The following SHROOM3 variants were observed in gnomAD, a reference collection of about 807,000 sequenced individuals.
SHROOM3 encodes shroom family member 3.
A neutral mutation model predicts 138.6 loss-of-function variants in SHROOM3; 47 were observed. That is an observed-to-expected ratio of 0.34 (90% CI 0.27 to 0.43). The LOEUF (loss-of-function observed/expected upper bound fraction) is 0.43. Among genes scored for constraint, SHROOM3 ranks in the 20% least tolerant of loss-of-function variants. The probability of loss-of-function intolerance (pLI) is 1.00; values close to 1 mark genes in which losing one functional copy is unlikely to be tolerated. For synonymous variants in SHROOM3, 1,062 were observed against 1,063.3 expected, an observed-to-expected ratio of 1.00 and a Z score of 0.02; for missense variants, 2,491 against 2,596.5, an observed-to-expected ratio of 0.96 and a Z score of 0.88.
At position 76,736,326 on chromosome 4, in the gene SHROOM3, C is replaced by T. The variant is rs572979734; in HGVS notation, c.588-2435C>T. On this transcript the variant is annotated intron_variant, in intron 4 of 10. Transcript: ENST00000296043. ...CTTGGGAGCTATTTCCTTCCTTTCT[C>T]CCTTGAATTTATACCTATCTGTCCC... Among the ~76,000 whole-genome samples, 29 of 152,226 alleles carry T rather than the reference C, an allele frequency of 1.9e-4. 1 individual carries two copies. The highest frequency in any genetic ancestry group is 1.4e-3 in the Admixed American group (22 of 15,284).
intron 10 of SHROOM3, among the ~76,000 whole-genome samples, chr4:76,773,084 TAGTG>T (rs1224448945): frequency 2.0e-5 from 3 of 151,964 alleles, no homozygotes; most frequent in African/African-American, 7.3e-5. Flanking sequence ...TTTTTAAAAA[TAGTG>T]AGCTAAGGCT....
At chr4:76,679,532 A>T (rs1322642910) in intron 2 of SHROOM3, among the ~76,000 whole-genome samples, 1 of 152,000 alleles carries the variant, frequency 6.6e-6, no homozygotes, top group Non-Finnish European at 1.5e-5. Context: ...ACTTATCTTC[A>T]TCTATGTCGT....
chr4:76,762,365 G>A (rs1045819093), intron 9 of SHROOM3, among the ~76,000 whole-genome samples: 3 of 152,188 alleles, frequency 2.0e-5, no homozygotes, highest in African/African-American at 7.2e-5. Context: ...GTGAGAAGGT[G>A]CCTTATTGCC....
intron 2 of SHROOM3, among the ~76,000 whole-genome samples, chr4:76,608,588 A>ACAGAGATG (rs1734678930): frequency 1.4e-5 from 2 of 144,592 alleles, no homozygotes; most frequent in African/African-American, 5.2e-5. Context: ...AGCATAGCAT[A>ACAGAGATG]GCATAGCATA....
intron 2 of SHROOM3, among the ~76,000 whole-genome samples, chr4:76,629,720 G>A (rs1297991105): frequency 6.6e-6 from 1 of 152,202 alleles, no homozygotes; most frequent in Admixed American, 6.5e-5. Flanking sequence ...GAGAAAGAGA[G>A]AAGTCAAGCT....
At chr4:76,598,724 G>A (rs1734441871) in intron 2 of SHROOM3, among the ~76,000 whole-genome samples, 1 of 152,230 alleles carries the variant, frequency 6.6e-6, no homozygotes, top group African/African-American at 2.4e-5. Flanking sequence ...GGGTAGCCCT[G>A]TCTGAGTGTA....
chr4:76,487,804 C>T (rs573908405), intron 1 of SHROOM3, among the ~76,000 whole-genome samples: 1 of 152,274 alleles, frequency 6.6e-6, no homozygotes, highest in South Asian at 2.1e-4. Flanking sequence ...TTTCATTAGT[C>T]AACTCTCAAA....
At chr4:76,504,509 C>CCA (rs1171947395) in intron 1 of SHROOM3, among the ~76,000 whole-genome samples, 1 of 152,084 alleles carries the variant, frequency 6.6e-6, no homozygotes, top group East Asian at 1.9e-4. Flanking sequence ...CATAAAAAAT[C>CCA]CACATGAAAC....
chr4:76,740,310 G>C lies in SHROOM3; in HGVS notation c.2137G>C (p.Gly713Arg). The C allele has an allele frequency of 6.2e-7, 1 of 1,613,136 alleles. No homozygotes were observed. Among genetic ancestry groups the C allele is most frequent in the East Asian group, 2.2e-5 (1 of 44,874 alleles). The change falls in exon 5 of 11, where the codon GGG becomes CGG. Residue 713 changes from glycine (G) to arginine (R), a missense_variant. Physicochemically the swap from Gly to Arg is moderately radical, Grantham distance 125. Around this residue, in one of 4 missense-constraint regions of SHROOM3, gnomAD observed 1,733 missense variants for 1,661.6 expected, o/e 1.04. Transcript: ENST00000296043. This position sits in a 1 kb window ranked among gnomAD's most constrained non-coding sequence, Gnocchi z 4.0. ...DPGRKAAPDL[G>R]SHLDRQVSYP... Reference sequence around the variant, plus strand: ...TGGGAGGAAAGCCGCTCCTGACCTCGGGAGCCATCTGGACCGGCAGGTTTC... The same window carrying C: ...TGGGAGGAAAGCCGCTCCTGACCTCCGGAGCCATCTGGACCGGCAGGTTTC...
intron 1 of SHROOM3, among the ~76,000 whole-genome samples, chr4:76,494,871 A>C (rs1398412854): frequency 6.6e-6 from 1 of 152,230 alleles, no homozygotes; most frequent in African/African-American, 2.4e-5. Context: ...GGGCTGCCTA[A>C]GTTTGTCATC....
At chr4:76,583,195 G>A (rs1734084401) in intron 2 of SHROOM3, among the ~76,000 whole-genome samples, 2 of 152,156 alleles carry the variant, frequency 1.3e-5, no homozygotes, top group East Asian at 3.8e-4. Flanking sequence ...GGGAGCTGGT[G>A]CACATTCCAG....
At chr4:76,460,378 A>T (rs1731114852) in intron 1 of SHROOM3, among the ~76,000 whole-genome samples, 1 of 152,232 alleles carries the variant, frequency 6.6e-6, no homozygotes, top group African/African-American at 2.4e-5. Flanking sequence ...TTGACAAAAG[A>T]CAAAGACACT....
chr4:76,758,852 A>G (rs1721902573), intron 8 of SHROOM3, among the ~76,000 whole-genome samples: 1 of 152,204 alleles, frequency 6.6e-6, no homozygotes, highest in Admixed American at 6.5e-5. Context: ...TAGGATATGA[A>G]TTATAGGCTG....
At position 76,740,249 on chromosome 4, in the gene SHROOM3, G is replaced by A; in HGVS notation, c.2076G>A (p.Arg692=). The A allele has an allele frequency of 6.2e-7, 1 of 1,613,282 alleles. No individual in the cohort carries two copies. The highest frequency in any genetic ancestry group is 1.1e-5 in the South Asian group (1 of 91,082). Reference sequence around the variant, plus strand: ...CCCAGGAGGGTTACCCCGGGGGCAGGCCCACCTGTGCAGTCAACACCAAGG... The same window carrying A: ...CCCAGGAGGGTTACCCCGGGGGCAGACCCACCTGTGCAGTCAACACCAAGG... ...RGTQEGYPGG[R]PTCAVNTKAE... The change falls in exon 5 of 11, where the codon AGG becomes AGA. Residue 692 remains arginine, a synonymous_variant. Transcript: ENST00000296043. This position sits in a 1 kb window ranked among gnomAD's most constrained non-coding sequence, Gnocchi z 4.0.
chr4:76,717,487 C>G (rs1214242626), intron 3 of SHROOM3, among the ~76,000 whole-genome samples: 1 of 151,924 alleles, frequency 6.6e-6, no homozygotes, highest in African/African-American at 2.4e-5. Context: ...TATGTTACAC[C>G]TTTTGTAGTT....
chr4:76,515,496 G>A (rs955917895), intron 1 of SHROOM3, among the ~76,000 whole-genome samples: 2 of 152,096 alleles, frequency 1.3e-5, no homozygotes, highest in African/African-American at 4.8e-5. Context: ...ATTCCCTTGG[G>A]CTCTGGTCTT....
intron 2 of SHROOM3, among the ~76,000 whole-genome samples, chr4:76,625,855 G>A (rs1450541116): frequency 6.6e-6 from 1 of 152,176 alleles, no homozygotes; most frequent in Admixed American, 6.5e-5. Context: ...AGCAACTTGT[G>A]AGCAAGGACT....
chr4:76,548,873 C>T (rs932701616), intron 1 of SHROOM3, among the ~76,000 whole-genome samples: 2 of 152,164 alleles, frequency 1.3e-5, no homozygotes, highest in African/African-American at 2.4e-5. Flanking sequence ...TTAGGGATTT[C>T]CCACCCAGTT....
At chr4:76,625,726 TAGA>T (rs1315126262) in intron 2 of SHROOM3, among the ~76,000 whole-genome samples, 1 of 152,210 alleles carries the variant, frequency 6.6e-6, no homozygotes, top group Non-Finnish European at 1.5e-5. Context: ...CTTCTCTAAC[TAGA>T]AGGCTTATCC....
Sources: gnomAD v4.1 joint callset for allele counts (sites outside exome capture counted in the v4.1 genomes callset) on GRCh38, gnomAD v4.1.1 for gene constraint, gnomAD v4.1.1 regional missense constraint, Gnocchi (gnomAD v3.1) non-coding constraint, MANE v1.5 for transcripts, NCBI Gene and HGNC (gene_info 2026-07-23, HGNC 2026-07-21) for gene names.